CCDC171: variants seen among roughly 807,000 people sequenced by gnomAD.
CCDC171 encodes coiled-coil domain containing 171.
Under a neutral mutation model 168.2 loss-of-function variants are expected in CCDC171, and 177 were observed. The ratio of observed to expected loss-of-function variants is 1.05; its 90% CI spans 0.93 to 1.19. The LOEUF (loss-of-function observed/expected upper bound fraction) is 1.19, where lower values mean the gene tolerates loss of function less well. CCDC171 is among the 50% of genes most tolerant of loss of function. The pLI, the probability that CCDC171 is intolerant of heterozygous loss-of-function variation, is 0.00. For synonymous variants in CCDC171, 687 were observed against 540.8 expected (o/e 1.27, Z -3.75); for missense variants, 1,991 against 1,539.0 (o/e 1.29, Z -4.91).
rs577297035 is a variant in CCDC171, at chr9:15,712,007, T to C, written c.1319-9762T>C. ...AGAGCTGTATGGTTCTAGTCTGAGT[T>C]TGAAGTCCTGAGAACTGGGAGAGCT... On this transcript the variant is annotated intron_variant, in intron 11 of 25. Transcript: ENST00000380701. 1.2e-3 allele frequency among the ~76,000 whole-genome samples: 176 copies of C among 152,304 alleles called. 1 individual carries two copies. The highest frequency in any genetic ancestry group is 7.2e-4 in the Non-Finnish European group (49 of 68,036).
chr9:15,623,468 C>T (rs568378900), intron 7 of CCDC171, 55 bp downstream of exon 7: 20 of 739,970 alleles, frequency 2.7e-5, no homozygotes, highest in African/African-American at 1.4e-4. Flanking sequence ...CACATATGCG[C>T]GCGCGCGCAC....
At chr9:16,019,372 G>A (rs1297896121) in intron 3 of CCDC171, among the ~76,000 whole-genome samples, 1 of 152,226 alleles carries the variant, frequency 6.6e-6, no homozygotes, top group Non-Finnish European at 1.5e-5. Flanking sequence ...TCTGTTAGTG[G>A]ATAGATGAGG....
chr9:16,095,869 C>CACATATATATATAT, the CCDC171 span, among the ~76,000 whole-genome samples: 1 of 123,836 alleles, frequency 8.1e-6, no homozygotes, highest in Non-Finnish European at 1.7e-5. Context: ...CACATAGGCA[C>CACATATATATATAT]ATATATATAT....
chr9:16,028,460 C>T (rs1833313734), intron 6 of CCDC171, among the ~76,000 whole-genome samples: 1 of 152,172 alleles, frequency 6.6e-6, no homozygotes, highest in Non-Finnish European at 1.5e-5. Context: ...AAAGGAGCTA[C>T]AGTCAGGGTT....
intron 1 of CCDC171, among the ~76,000 whole-genome samples, chr9:16,051,104 C>G (rs948385843): frequency 2.0e-5 from 3 of 152,102 alleles, no homozygotes; most frequent in Admixed American, 2.0e-4. Context: ...ATATGTTTCT[C>G]AAATAAATTC....
intron 24 of CCDC171, among the ~76,000 whole-genome samples, chr9:15,894,085 A>G (rs1820566728): frequency 1.3e-5 from 2 of 152,228 alleles, no homozygotes; most frequent in South Asian, 4.1e-4. Context: ...ACCATGGAAT[A>G]CTGTGCAGTC....
chr9:15,815,602 G>C (rs2059537531), intron 21 of CCDC171, among the ~76,000 whole-genome samples: 1 of 114,674 alleles, frequency 8.7e-6, no homozygotes. Context: ...GAATGAAAAT[G>C]TTGCATAAAG....
chr9:15,893,875 C>T (rs1162508591), intron 24 of CCDC171, among the ~76,000 whole-genome samples: 1 of 152,130 alleles, frequency 6.6e-6, no homozygotes, highest in Non-Finnish European at 1.5e-5. Flanking sequence ...GGCGATTCCT[C>T]AAAGACCTAG....
In CCDC171 at chr9:15,958,200, AG is replaced by A. The variant is rs538248805; in HGVS notation, c.3754-13407del. ...ACCTGCTCTGTACCTGTCACTGTGC[AG>A]GCCACTGGTAATACAGAAACAAGCA... On this transcript the variant is annotated intron_variant, in intron 25 of 25. Coordinates refer to ENST00000380701, the MANE Select transcript of CCDC171 (RefSeq NM_173550.4). Among the ~76,000 whole-genome samples, 1,028 of 152,204 alleles carry A rather than the reference AG, an allele frequency of 6.8e-3. 10 individuals are homozygous for A. The highest frequency in any genetic ancestry group is 0.023 in the African/African-American group (945 of 41,532).
intron 6 of CCDC171, among the ~76,000 whole-genome samples, chr9:16,031,760 A>G (rs1294783664): frequency 6.6e-6 from 1 of 152,182 alleles, no homozygotes; most frequent in Non-Finnish European, 1.5e-5. Context: ...TGGCTGCCAA[A>G]CAGGGCCATT....
chr9:15,657,228 T>C lies in CCDC171; in HGVS notation c.915+9T>C. 1.3e-6 allele frequency: 2 copies of C among 1,559,050 alleles called. No individual in the cohort carries two copies. The highest frequency in any genetic ancestry group is 8.8e-7 in the Non-Finnish European group (1 of 1,132,796). Reference sequence around the variant, plus strand: ...ATTCTGAAATTATTCAGGTAAAATGTAAACAAATATTTTGGCCTGCATTTT... The same window carrying C: ...ATTCTGAAATTATTCAGGTAAAATGCAAACAAATATTTTGGCCTGCATTTT... On this transcript the variant is annotated intron_variant, in intron 8 of 25. Transcript: ENST00000380701.
chr9:15,838,523 C>A (rs1207151215), intron 21 of CCDC171, among the ~76,000 whole-genome samples: 11 of 152,164 alleles, frequency 7.2e-5, no homozygotes, highest in African/African-American at 2.4e-4. Flanking sequence ...AGCCAAAGAA[C>A]CCTTTCTTTA....
At chr9:15,627,004 G>C (rs1219420045) in intron 7 of CCDC171, among the ~76,000 whole-genome samples, 1 of 152,124 alleles carries the variant, frequency 6.6e-6, no homozygotes, top group African/African-American at 2.4e-5. Context: ...GCCTGTTATT[G>C]GTCTATTTTG....
At chr9:15,733,055 C>G (rs1212540678) in intron 16 of CCDC171, among the ~76,000 whole-genome samples, 2 of 152,106 alleles carry the variant, frequency 1.3e-5, no homozygotes, top group African/African-American at 4.8e-5. Context: ...TACATTTTCC[C>G]TACTGCCTAA....
At chr9:15,581,579 A>G (rs943188683) in intron 4 of CCDC171, among the ~76,000 whole-genome samples, 3 of 152,226 alleles carry the variant, frequency 2.0e-5, no homozygotes, top group African/African-American at 4.8e-5. Flanking sequence ...ATACCAAAAC[A>G]GATATATAGA....
At chr9:15,940,578 G>C (rs1014503376) in intron 25 of CCDC171, among the ~76,000 whole-genome samples, 4 of 151,954 alleles carry the variant, frequency 2.6e-5, no homozygotes, top group African/African-American at 9.7e-5. Flanking sequence ...TACTATTTGA[G>C]TACAATAAAC....
intron 24 of CCDC171, among the ~76,000 whole-genome samples, chr9:15,891,249 A>C (rs939454270): frequency 6.6e-6 from 1 of 152,182 alleles, no homozygotes; most frequent in Non-Finnish European, 1.5e-5. Flanking sequence ...ACTCTGAGTC[A>C]GTAGCTTAAA....
At chr9:15,647,672 A>C (rs1328407295) in intron 7 of CCDC171, among the ~76,000 whole-genome samples, 2 of 152,214 alleles carry the variant, frequency 1.3e-5, no homozygotes, top group Non-Finnish European at 2.9e-5. Context: ...TCCTGGACAC[A>C]TACACTCTCC....
At position 15,973,111 on chromosome 9, in the gene CCDC171, A is replaced by C. The variant is rs1481675239; in HGVS notation, c.*1275A>C. The C allele has an allele frequency of 1.3e-5, 2 of 152,226 alleles. No homozygotes were observed. Among genetic ancestry groups the C allele is most frequent in the Non-Finnish European group, 2.9e-5 (2 of 68,038 alleles). 9.4% of individuals were successfully genotyped at this position (152,226 alleles called of 1,614,324 possible). On this transcript the variant is annotated 3_prime_UTR_variant, in exon 26 of 26. Coordinates refer to ENST00000380701, the MANE Select transcript of CCDC171 (RefSeq NM_173550.4). ...AGGTTAAATCCTTGCAGTTTGCATC[A>C]TGGTAAGTGAAGAACAAAAGAATAT...
Sources: allele counts gnomAD v4.1 joint callset (sites outside exome capture counted in the v4.1 genomes callset), GRCh38; gene constraint gnomAD v4.1.1; transcripts MANE v1.5; gene names NCBI Gene and HGNC (gene_info 2026-07-23, HGNC 2026-07-21).